MUC7: variants seen among roughly 807,000 people sequenced by gnomAD.
The protein encoded by MUC7 is mucin 7, secreted, also known as mucin-7.
Under a neutral mutation model 2.5 loss-of-function variants are expected in MUC7, and 2 were observed. The observed-to-expected ratio is 0.81, with a 90% CI of 0.33 to 2.55. The LOEUF (loss-of-function observed/expected upper bound fraction) is 2.55. Ranked by LOEUF, MUC7 falls within the 30% of genes most tolerant of loss-of-function variation. The pLI, the probability that MUC7 is intolerant of heterozygous loss-of-function variation, is 0.11. For synonymous variants in MUC7, 133 were observed against 173.4 expected (o/e 0.77, Z 1.83); for missense variants, 408 against 455.6 (o/e 0.90, Z 0.95).
intron 1 of MUC7, among the ~76,000 whole-genome samples, chr4:70,449,986 C>G (rs745865167): frequency 5.9e-5 from 9 of 152,214 alleles, no homozygotes; most frequent in Non-Finnish European, 1.2e-4. Flanking sequence ...CCCTGGGGCT[C>G]TATAATCAGC....
At position 70,477,583 on chromosome 4, in the gene MUC7, C is replaced by T. The variant is rs115027750; in HGVS notation, c.55-3216C>T. Among the ~76,000 whole-genome samples, 1,064 of 152,196 alleles carry T rather than the reference C, an allele frequency of 7.0e-3. 11 individuals are homozygous for T. The highest frequency in any genetic ancestry group is 0.023 in the African/African-American group (968 of 41,526). Reference sequence around the variant, plus strand: ...CTTGCTGCAAGTGCCATGTGTCTCTCCTTCTCCTTCCCTTGACTCCAGCCT... The same window carrying T: ...CTTGCTGCAAGTGCCATGTGTCTCTTCTTCTCCTTCCCTTGACTCCAGCCT... On this transcript the variant is annotated intron_variant, in intron 2 of 2. Coordinates refer to ENST00000304887, the MANE Select transcript of MUC7 (RefSeq NM_152291.3).
At chr4:70,442,310 A>G (rs933843502) in intron 1 of MUC7, among the ~76,000 whole-genome samples, 4 of 152,220 alleles carry the variant, frequency 2.6e-5, no homozygotes, top group Non-Finnish European at 5.9e-5. Context: ...GAAGCAAAAA[A>G]AAGTGCATTT....
chr4:70,476,930 T>G (rs1177998296), intron 2 of MUC7, among the ~76,000 whole-genome samples: 5 of 152,226 alleles, frequency 3.3e-5, no homozygotes, highest in Admixed American at 3.3e-4. Flanking sequence ...GCTTCTCTCT[T>G]CCAGATGTCC....
chr4:70,432,308 T>C (rs567713570), intron 1 of MUC7, among the ~76,000 whole-genome samples: 1 of 152,240 alleles, frequency 6.6e-6, no homozygotes, highest in African/African-American at 2.4e-5. Context: ...TTTTAGATCC[T>C]TGAGGAATCA....
chr4:70,456,303 A>G (rs186352615), intron 1 of MUC7, among the ~76,000 whole-genome samples: 174 of 152,348 alleles, frequency 1.1e-3, no homozygotes, highest in African/African-American at 3.9e-3. Context: ...TAAATAGCCA[A>G]TGAGGAATTG....
intron 1 of MUC7, among the ~76,000 whole-genome samples, chr4:70,466,928 C>T (rs1734699284): frequency 6.6e-6 from 1 of 152,218 alleles, no homozygotes; most frequent in Admixed American, 6.5e-5. Context: ...ATCTGCAGAA[C>T]TCTCCACCCA....
In MUC7 at chr4:70,482,328, T is replaced by G. The variant is rs1417015615; in HGVS notation, c.*450T>G. 1 of 159,818 alleles carries G rather than the reference T, an allele frequency of 6.3e-6. No individual in the cohort carries two copies. Among genetic ancestry groups the G allele is most frequent in the African/African-American group, 2.4e-5 (1 of 41,534 alleles). The allele number at this position is 159,818 out of a possible 1,614,324, so 9.9% of individuals were successfully genotyped here. A position where few individuals can be genotyped will look rare whatever the true frequency, so the allele number is the denominator to read the frequency against. ...ACAAAGACATCTAAATATCTGTAGATAGAAACATTTATCTATCTAAATATA... is the reference window on the plus strand; with the variant it reads ...ACAAAGACATCTAAATATCTGTAGAGAGAAACATTTATCTATCTAAATATA... On this transcript the variant is annotated 3_prime_UTR_variant, in exon 3 of 3. Transcript: ENST00000304887.
intron 2 of MUC7, among the ~76,000 whole-genome samples, chr4:70,478,585 C>T (rs1352044165): frequency 6.6e-6 from 1 of 152,242 alleles, no homozygotes. Flanking sequence ...CAAACCTCCA[C>T]TGCTGGTCTG....
intron 1 of MUC7, among the ~76,000 whole-genome samples, chr4:70,473,641 C>T (rs1560557252): frequency 6.6e-6 from 1 of 152,054 alleles, no homozygotes; most frequent in Non-Finnish European, 1.5e-5. Flanking sequence ...TATGATGGTT[C>T]CCCACAGAGG....
chr4:70,442,707 T>A (rs1256241809), intron 1 of MUC7, among the ~76,000 whole-genome samples: 1 of 152,232 alleles, frequency 6.6e-6, no homozygotes, highest in Non-Finnish European at 1.5e-5. Context: ...AAGACCCAGA[T>A]GAGGGATCCC....
At chr4:70,453,526 C>T (rs1734343310) in intron 1 of MUC7, among the ~76,000 whole-genome samples, 1 of 152,208 alleles carries the variant, frequency 6.6e-6, no homozygotes, top group Non-Finnish European at 1.5e-5. Flanking sequence ...GGGCACTGGG[C>T]TCCCTTCTGG....
intron 1 of MUC7, among the ~76,000 whole-genome samples, chr4:70,438,562 T>A (rs1733921748): frequency 6.6e-6 from 1 of 152,076 alleles, no homozygotes; most frequent in Non-Finnish European, 1.5e-5. Flanking sequence ...GTTCAAGCAA[T>A]TCTCCAGCCT....
At chr4:70,448,890 A>C (rs1734209988) in intron 1 of MUC7, among the ~76,000 whole-genome samples, 1 of 152,176 alleles carries the variant, frequency 6.6e-6, no homozygotes. Flanking sequence ...TTCTTTTAGT[A>C]GTTTCATAGT....
At chr4:70,434,848 C>A (rs148530999) in intron 1 of MUC7, among the ~76,000 whole-genome samples, 1 of 151,990 alleles carries the variant, frequency 6.6e-6, no homozygotes, top group Non-Finnish European at 1.5e-5. Context: ...GCATTTAGTG[C>A]TATAAATTTC....
chr4:70,476,660 A>G (rs946077293), intron 2 of MUC7, among the ~76,000 whole-genome samples: 1 of 152,102 alleles, frequency 6.6e-6, no homozygotes, highest in Admixed American at 6.5e-5. Context: ...GGTGGCCCAC[A>G]CCTGTAATTG....
chr4:70,464,160 C>T (rs905282437), intron 1 of MUC7, among the ~76,000 whole-genome samples: 5 of 152,188 alleles, frequency 3.3e-5, no homozygotes, highest in Admixed American at 6.5e-5. Context: ...GAAACTCCCT[C>T]CCCTAGCCAA....
At chr4:70,434,863 T>C (rs1319439216) in intron 1 of MUC7, among the ~76,000 whole-genome samples, 2 of 152,214 alleles carry the variant, frequency 1.3e-5, no homozygotes, top group African/African-American at 2.4e-5. Context: ...AATTTCCCTC[T>C]ACACACTGCT....
chr4:70,443,591 G>A (rs1029385950), intron 1 of MUC7, among the ~76,000 whole-genome samples: 1 of 152,130 alleles, frequency 6.6e-6, no homozygotes, highest in Non-Finnish European at 1.5e-5. Flanking sequence ...ACCACACTTT[G>A]TGCGGTTAAA....
At chr4:70,435,295 C>A (rs1437997140) in intron 1 of MUC7, among the ~76,000 whole-genome samples, 2 of 152,064 alleles carry the variant, frequency 1.3e-5, no homozygotes, top group African/African-American at 2.4e-5. Flanking sequence ...CTAATATTGA[C>A]AGTGGGGTAT....
Sources: allele counts gnomAD v4.1 joint callset (sites outside exome capture counted in the v4.1 genomes callset), GRCh38; gene constraint gnomAD v4.1.1; transcripts MANE v1.5; gene names NCBI Gene and HGNC (gene_info 2026-07-23, HGNC 2026-07-21).